Variants in TRMT44 observed in about 807,000 individuals in gnomAD.
TRMT44 encodes tRNA methyltransferase 44 homolog.
A neutral mutation model predicts 77.3 loss-of-function variants in TRMT44; 78 were observed. That is an observed-to-expected ratio of 1.01 (90% CI 0.84 to 1.22). The LOEUF is 1.22. TRMT44 is among the 50% of genes most tolerant of loss of function. TRMT44 has a pLI of 0.00. For missense variants in TRMT44, 1,090 were observed against 964.4 expected (o/e 1.13, Z -1.73); for synonymous variants, 391 against 383.3 (o/e 1.02, Z -0.23).
intron 2 of TRMT44, among the ~76,000 whole-genome samples, chr4:8,485,503 C>T (rs930931246): frequency 6.6e-5 from 10 of 152,162 alleles, no homozygotes; most frequent in Middle Eastern, 3.4e-3. Flanking sequence ...CCTTTTAAAG[C>T]GTGCTGTGGG....
At chr4:8,515,472 C>G in the TRMT44 span, among the ~76,000 whole-genome samples, 2 of 152,362 alleles carry the variant, frequency 1.3e-5, no homozygotes, top group Admixed American at 1.3e-4. Flanking sequence ...AGATGCTGCC[C>G]TTGCTCCCAA....
At chr4:8,472,837 G>A (rs751195475) in intron 10 of TRMT44, among the ~76,000 whole-genome samples, 22 of 152,202 alleles carry the variant, frequency 1.4e-4, no homozygotes, top group Admixed American at 3.9e-4. Context: ...TCCTTGCATA[G>A]AGCTTTAGGC....
the TRMT44 span, among the ~76,000 whole-genome samples, chr4:8,508,134 T>A: frequency 0.018 from 2,671 of 152,288 alleles, 29 homozygotes; most frequent in Non-Finnish European, 0.028. Flanking sequence ...CTCGAACTCC[T>A]GACCTCAGGT....
At chr4:8,490,600 T>G (rs1727967447) in intron 2 of TRMT44, among the ~76,000 whole-genome samples, 1 of 152,118 alleles carries the variant, frequency 6.6e-6, no homozygotes. Flanking sequence ...CCCCGTGGGC[T>G]CGTGGTCTCT....
At chr4:8,465,047 G>C (rs540690967) in intron 7 of TRMT44, among the ~76,000 whole-genome samples, 3 of 152,280 alleles carry the variant, frequency 2.0e-5, no homozygotes, top group Non-Finnish European at 4.4e-5. Context: ...GGCAGCAGTA[G>C]ACACTGGGGA....
chr4:8,499,809 T>C, the TRMT44 span, among the ~76,000 whole-genome samples: 2 of 152,050 alleles, frequency 1.3e-5, no homozygotes, highest in Non-Finnish European at 2.9e-5. Flanking sequence ...CACAAAACTG[T>C]CAGATGCTAC....
chr4:8,508,803 C>T, the TRMT44 span: 3 of 152,488 alleles, frequency 2.0e-5, no homozygotes, highest in East Asian at 1.9e-4. Context: ...TACAGATGCT[C>T]ACCTGTGAAG....
At chr4:8,462,775 C>A (rs935522839) in intron 6 of TRMT44, among the ~76,000 whole-genome samples, 1 of 152,114 alleles carries the variant, frequency 6.6e-6, no homozygotes, top group African/African-American at 2.4e-5. Flanking sequence ...ATATCTAGTG[C>A]TGTTGGCAAG....
At chr4:8,480,328 C>T (rs1250048368), downstream of TRMT44, among the ~76,000 whole-genome samples, 2 of 152,164 alleles carry the variant, frequency 1.3e-5, no homozygotes, top group African/African-American at 2.4e-5. Flanking sequence ...GACCTTTTGA[C>T]TTGGGGTCTT....
chr4:8,511,324 TC>T, the TRMT44 span, among the ~76,000 whole-genome samples: 8 of 152,124 alleles, frequency 5.3e-5, no homozygotes, highest in Non-Finnish European at 1.0e-4. Context: ...TGGAGGTGCT[TC>T]CCTTCTCCGT....
Position 8,446,530 on chromosome 4 carries a change from A to T in TRMT44, c.674A>T (p.Asn225Ile). Reference sequence around the variant, plus strand: ...CCTTTGGAAGAAGATGATGAGGGGAACCTAAAGGTTAAGATGAGCAATGTG... The same window carrying T: ...CCTTTGGAAGAAGATGATGAGGGGATCCTAAAGGTTAAGATGAGCAATGTG... Reference protein sequence around the residue: ...FLPLEEDDEGNLKVKMSNVYQ... With the variant: ...FLPLEEDDEGILKVKMSNVYQ... The change falls in exon 2 of 11, where the codon AAC (asparagine) becomes ATC (isoleucine). Residue 225 changes from asparagine to isoleucine, a missense_variant. Coordinates refer to ENST00000389737, the MANE Select transcript of TRMT44 (RefSeq NM_152544.3). The surrounding 1 kb of genome is among the most constrained non-coding windows in gnomAD (Gnocchi z 4.3). The T allele has an allele frequency of 6.5e-7, 1 of 1,536,520 alleles. No individual in the cohort carries two copies. The highest frequency in any genetic ancestry group is 8.7e-7 in the Non-Finnish European group (1 of 1,146,980).
At chr4:8,475,686 C>A (rs116104468) in intron 10 of TRMT44, 86 bp from the exon 11 acceptor site, 2 of 1,303,246 alleles carry the variant, frequency 1.5e-6, no homozygotes, top group East Asian at 2.3e-5. Flanking sequence ...TGGCACCTCC[C>A]GTGGCGTGGG....
chr4:8,443,268 C>T (rs1248806388), intron 1 of TRMT44, among the ~76,000 whole-genome samples: 2 of 152,206 alleles, frequency 1.3e-5, no homozygotes, highest in Admixed American at 6.5e-5. Flanking sequence ...AGGCAGTGCC[C>T]GTGAGGCCTT....
chr4:8,440,800 G>C lies in TRMT44; in HGVS notation c.-23G>C. The C allele has an allele frequency of 1.4e-6, 2 of 1,418,744 alleles. No homozygotes were observed. The highest frequency in any genetic ancestry group is 1.8e-6 in the Non-Finnish European group (2 of 1,089,856). The allele number at this position is 1,418,744 out of a possible 1,614,324, so 87.9% of individuals were successfully genotyped here. A position where few individuals can be genotyped will look rare whatever the true frequency, so the allele number is the denominator to read the frequency against. On this transcript the variant is annotated 5_prime_UTR_variant, in exon 1 of 11. Coordinates refer to ENST00000389737, the MANE Select transcript of TRMT44 (RefSeq NM_152544.3). The stretch of plus-strand genomic sequence containing the variant: ...GCGTCATCTCGGCGCGCCGCTGCCA[G>C]GGCTGTACACCTGCTGGCTGCCATG...
At chr4:8,465,793 C>T (rs901606165) in intron 8 of TRMT44, among the ~76,000 whole-genome samples, 4 of 152,228 alleles carry the variant, frequency 2.6e-5, no homozygotes, top group African/African-American at 9.6e-5. Context: ...GAGTCCTCGC[C>T]AAGCCCTCCT....
rs1217536747 is a variant in TRMT44 at position 8,451,658 on chromosome 4, A to G, written c.955-302A>G. Among the ~76,000 whole-genome samples the G allele has an allele frequency of 6.6e-6, 1 of 152,212 alleles. No homozygotes were observed. Among genetic ancestry groups the G allele is most frequent in the Admixed American group, 6.5e-5 (1 of 15,278 alleles). ...TTGTTTGTTGCCCTTATCTGCATAG[A>G]CAATGAGCACAGTGTAGCTAAGTGT... On this transcript the variant is annotated intron_variant, in intron 3 of 10. Coordinates refer to ENST00000389737, the MANE Select transcript of TRMT44 (RefSeq NM_152544.3). The surrounding 1 kb of genome is among the most constrained non-coding windows in gnomAD (Gnocchi z 4.1).
intron 2 of TRMT44, among the ~76,000 whole-genome samples, chr4:8,483,689 C>T (rs2109218966): frequency 6.6e-6 from 1 of 152,268 alleles, no homozygotes; most frequent in Middle Eastern, 3.4e-3. Flanking sequence ...TCACTGAATA[C>T]TAAGAGCCTG....
intron 2 of TRMT44, among the ~76,000 whole-genome samples, chr4:8,447,665 C>T (rs776947817): frequency 6.6e-6 from 1 of 152,146 alleles, no homozygotes; most frequent in Admixed American, 6.5e-5. Flanking sequence ...TTGCAGCCTT[C>T]GTGCTTGAAA....
At chr4:8,480,760 T>C (rs188322213), downstream of TRMT44, among the ~76,000 whole-genome samples, 326 of 152,328 alleles carry the variant, frequency 2.1e-3, no homozygotes, top group Middle Eastern at 0.01. Flanking sequence ...CTAAGGGGTC[T>C]GGGGAGTCCT....
Sources: allele counts gnomAD v4.1 joint callset (sites outside exome capture counted in the v4.1 genomes callset), GRCh38; gene constraint gnomAD v4.1.1; non-coding constraint Gnocchi (gnomAD v3.1); transcripts MANE v1.5; gene names NCBI Gene and HGNC (gene_info 2026-07-23, HGNC 2026-07-21).